ITPRID1: variants seen among roughly 807,000 people sequenced by gnomAD.
The protein encoded by ITPRID1 is protein ITPRID1.
Under a neutral mutation model 95.4 loss-of-function variants are expected in ITPRID1, and 96 were observed. The observed-to-expected ratio is 1.01, with a 90% CI of 0.85 to 1.19. The LOEUF (loss-of-function observed/expected upper bound fraction) is 1.19. Among genes scored for constraint, ITPRID1 ranks in the 50% most tolerant of loss-of-function variants. The pLI is 0.00. For synonymous variants in ITPRID1, 510 were observed against 453.6 expected, an observed-to-expected ratio of 1.12 and a Z score of -1.58; for missense variants, 1,339 against 1,252.9, an observed-to-expected ratio of 1.07 and a Z score of -1.04.
In ITPRID1 at chr7:31,550,752, A is replaced by G. The variant is rs1784260712; in HGVS notation, c.-24+1253A>G. On this transcript the variant is annotated intron_variant, in intron 2 of 14. Coordinates refer to ENST00000615280, the MANE Select transcript of ITPRID1 (RefSeq NM_001257967.3). ...CAAGCCTTTTTCCTGCTCTGTGGCC[A>G]AGTACAACAGAGCTGGCAGACAGAA... Among the ~76,000 whole-genome samples, 2 of 144,512 alleles carry G rather than the reference A, an allele frequency of 1.4e-5. 1 individual carries two copies. The highest frequency in any genetic ancestry group is 4.5e-4 in the South Asian group (2 of 4,414). 94.8% of individuals were successfully genotyped at this position (144,512 alleles called of 152,430 possible).
chr7:31,559,172 C>T (rs994531505), intron 5 of ITPRID1, among the ~76,000 whole-genome samples: 4 of 152,066 alleles, frequency 2.6e-5, no homozygotes, highest in African/African-American at 9.7e-5. Context: ...TTAGCTATCT[C>T]AAATATTTTC....
At chr7:31,605,335 T>C (rs1468547373) in intron 10 of ITPRID1, among the ~76,000 whole-genome samples, 1 of 152,170 alleles carries the variant, frequency 6.6e-6, no homozygotes, top group Non-Finnish European at 1.5e-5. Flanking sequence ...CCTCCACAAT[T>C]CCCCTGCTTC....
chr7:31,585,644 C>G (rs542811275), intron 10 of ITPRID1, among the ~76,000 whole-genome samples: 51 of 152,222 alleles, frequency 3.4e-4, no homozygotes, highest in African/African-American at 1.1e-3. Context: ...CAGAACTATA[C>G]TAACATGATA....
chr7:31,586,443 T>G (rs1414079375), intron 10 of ITPRID1, among the ~76,000 whole-genome samples: 1 of 151,816 alleles, frequency 6.6e-6, no homozygotes, highest in Non-Finnish European at 1.5e-5. Context: ...TGAACTAGTT[T>G]ACAGTCCCAC....
chr7:31,620,681 G>A (rs1316915044), intron 10 of ITPRID1, among the ~76,000 whole-genome samples: 3 of 151,492 alleles, frequency 2.0e-5, no homozygotes, highest in Non-Finnish European at 1.5e-5. Context: ...AGAAAAACTG[G>A]AAACTCTAAA....
rs1185452762 is a variant in ITPRID1, at chr7:31,643,774, C to A, written c.2404C>A (p.Pro802Thr). Residue 802 changes from proline (P) to threonine (T), a missense_variant, in exon 12 of 15, where the codon CCT becomes ACT. Physicochemically the swap from Pro to Thr is conservative, Grantham distance 38 (BLOSUM62 -1). Transcript: ENST00000615280. ...CCCAATGGGCACCTGCCATGCTATA[C>A]CTGCCCACTGCTGCATCTGCTGTCA... ...ICPMGTCHAI[P>T]AHCCICCHHH... The A allele has an allele frequency of 1.2e-6, 2 of 1,613,888 alleles. No individual in the cohort carries two copies. Among genetic ancestry groups the A allele is most frequent in the African/African-American group, 2.7e-5 (2 of 74,930 alleles).
rs1785278408 is a variant in ITPRID1, at chr7:31,578,438, A to G, written c.1170+4A>G. On this transcript the variant is annotated splice_donor_region_variant and intron_variant, in intron 9 of 14. Transcript: ENST00000615280. ...AGACTCATTTGAAATGGAAGAGGTC[A>G]GTGCTGCACCAACGTACCAGCCTCC... 6.4e-7 allele frequency: 1 copy of G among 1,572,672 alleles called. No homozygotes were observed. The highest frequency in any genetic ancestry group is 1.4e-5 in the African/African-American group (1 of 73,302).
At chr7:31,586,602 A>AT (rs1357053787) in intron 10 of ITPRID1, among the ~76,000 whole-genome samples, 1 of 151,740 alleles carries the variant, frequency 6.6e-6, no homozygotes, top group Non-Finnish European at 1.5e-5. Context: ...GATGATGAGC[A>AT]TTTTTTCATG....
chr7:31,558,839 T>C (rs1435021738), intron 5 of ITPRID1, among the ~76,000 whole-genome samples: 1 of 152,184 alleles, frequency 6.6e-6, no homozygotes, highest in African/African-American at 2.4e-5. Context: ...TTTTCTTTAC[T>C]TCTGTGAGCC....
chr7:31,579,394 A>G (rs1028982240), intron 9 of ITPRID1, among the ~76,000 whole-genome samples: 6 of 152,168 alleles, frequency 3.9e-5, no homozygotes, highest in African/African-American at 1.4e-4. Flanking sequence ...AAGTGGGCTT[A>G]CTTCTCCGTT....
intron 12 of ITPRID1, among the ~76,000 whole-genome samples, chr7:31,648,796 C>CT (rs1440701909): frequency 5.9e-5 from 9 of 152,224 alleles, no homozygotes; most frequent in African/African-American, 2.2e-4. Context: ...GGACAAGCAA[C>CT]TTATCCTTGT....
intron 7 of ITPRID1, among the ~76,000 whole-genome samples, chr7:31,573,158 A>G (rs964513177): frequency 1.3e-5 from 2 of 152,190 alleles, no homozygotes; most frequent in Non-Finnish European, 2.9e-5. Context: ...TCAATAATCA[A>G]TTGCACTGCA....
intron 10 of ITPRID1, among the ~76,000 whole-genome samples, chr7:31,584,473 A>G (rs1457847017): frequency 6.6e-6 from 1 of 152,216 alleles, no homozygotes; most frequent in Non-Finnish European, 1.5e-5. Context: ...GCCAATAGGA[A>G]TTGCCTTCCT....
intron 10 of ITPRID1, among the ~76,000 whole-genome samples, chr7:31,600,204 G>A (rs1448125132): frequency 6.6e-6 from 1 of 152,224 alleles, no homozygotes; most frequent in East Asian, 1.9e-4. Context: ...AATTGGTGGA[G>A]GTTTAAGAGT....
intron 1 of ITPRID1, among the ~76,000 whole-genome samples, chr7:31,526,462 C>G (rs765136140): frequency 6.6e-6 from 1 of 152,146 alleles, no homozygotes; most frequent in East Asian, 1.9e-4. Context: ...TTCCTCATCT[C>G]TAAGATGGGT....
At chr7:31,558,135 CTT>C (rs10588113) in intron 5 of ITPRID1, among the ~76,000 whole-genome samples, 27,839 of 152,016 alleles carry the variant, frequency 0.18, 3,038 homozygotes, top group East Asian at 0.3. Flanking sequence ...TTCTCTCTCT[CTT>C]GTGTGCTTGC....
intron 1 of ITPRID1, chr7:31,529,872 G>T: frequency 7.1e-7 from 1 of 1,411,154 alleles, no homozygotes; most frequent in Non-Finnish European, 9.7e-7. Context: ...CCAGCCTGTT[G>T]GGGAGGGGTA....
rs1285555110 is a variant in ITPRID1 at position 31,643,587 on chromosome 7, G to A, written c.2217G>A (p.Val739=). The A allele has an allele frequency of 6.2e-7, 1 of 1,613,918 alleles. No individual in the cohort carries two copies. Among genetic ancestry groups the A allele is most frequent in the Non-Finnish European group, 8.5e-7 (1 of 1,179,890 alleles). The change falls in exon 12 of 15, where the codon GTG becomes GTA. Residue 739 remains valine (V), a synonymous_variant. Transcript: ENST00000615280. ...GAGGAACATCTTTAGAATGCACTGT[G>A]TGTGATCCTGTTACCGCAACAGAAA... ...GPRGTSLECT[V]CDPVTATETR...
chr7:31,534,558 T>C (rs1783700289), intron 1 of ITPRID1, among the ~76,000 whole-genome samples: 1 of 152,198 alleles, frequency 6.6e-6, no homozygotes, highest in African/African-American at 2.4e-5. Flanking sequence ...CTTTATCTTG[T>C]ATTATTGTAG....
Sources: allele counts gnomAD v4.1 joint callset (sites outside exome capture counted in the v4.1 genomes callset), GRCh38; gene constraint gnomAD v4.1.1; transcripts MANE v1.5; gene names NCBI Gene and HGNC (gene_info 2026-07-23, HGNC 2026-07-21).